The following AHDC1 variants were observed in gnomAD, a reference collection of about 807,000 sequenced individuals.
AHDC1 encodes the protein AT-hook DNA binding motif containing 1.
Under a neutral mutation model 87.9 loss-of-function variants are expected in AHDC1, and 7 were observed. The observed-to-expected ratio is 0.08, with a 90% CI of 0.05 to 0.15. AHDC1 has a LOEUF of 0.15. Among genes scored for constraint, AHDC1 ranks in the 10% least tolerant of loss-of-function variants. The pLI is 1.00. For missense variants in AHDC1, 1,841 were observed against 2,253.2 expected (o/e 0.82, Z 3.70); for synonymous variants, 1,051 against 1,006.8 (o/e 1.04, Z -0.83).
At chr1:27,544,418 C>T (rs1198117155) in intron 8 of AHDC1, among the ~76,000 whole-genome samples, 1 of 152,156 alleles carries the variant, frequency 6.6e-6, no homozygotes, top group Non-Finnish European at 1.5e-5. Flanking sequence ...GGGGTGGAGG[C>T]TGAACTGGAG....
rs1557675507 is a variant in AHDC1 at position 27,558,020 on chromosome 1, A to T, written c.-225+285T>A. Among the ~76,000 whole-genome samples the T allele has an allele frequency of 6.6e-6, 1 of 151,910 alleles. No individual in the cohort carries two copies. Among genetic ancestry groups the T allele is most frequent in the African/African-American group, 2.4e-5 (1 of 41,342 alleles). Reference sequence around the variant, plus strand: ...CACCCTTACAATCCCAGGAGACTCCACCCCCAGACCTCAGGCCCCAGGAAT... The same window carrying T: ...CACCCTTACAATCCCAGGAGACTCCTCCCCCAGACCTCAGGCCCCAGGAAT... On this transcript the variant is annotated intron_variant, in intron 5 of 8. Transcript: ENST00000673934. This position sits in a 1 kb window ranked among gnomAD's most constrained non-coding sequence, Gnocchi z 5.6.
rs1190955225 is a variant in AHDC1 at position 27,534,436 on chromosome 1, C to T, written c.*524G>A. On this transcript the variant is annotated 3_prime_UTR_variant, in exon 9 of 9. Transcript: ENST00000673934. ...CGCAAGAGGTTCTTCTCCCTCCCCCCCACCATGCGAATTTGCACACCACGG... is the reference window on the plus strand; with the variant it reads ...CGCAAGAGGTTCTTCTCCCTCCCCCTCACCATGCGAATTTGCACACCACGG... 3 of 151,878 alleles carry T rather than the reference C, an allele frequency of 2.0e-5. No individual in the cohort carries two copies. The highest frequency in any genetic ancestry group is 7.3e-5 in the African/African-American group (3 of 41,370). The allele number at this position is 151,878 out of a possible 1,614,324, so 9.4% of individuals were successfully genotyped here.
At chr1:27,591,436 C>G (rs970475831) in intron 3 of AHDC1, among the ~76,000 whole-genome samples, 2 of 152,228 alleles carry the variant, frequency 1.3e-5, no homozygotes, top group African/African-American at 2.4e-5. Context: ...CTGCACAATG[C>G]AGAAAGTGGC....
intron 8 of AHDC1, among the ~76,000 whole-genome samples, chr1:27,546,160 T>C (rs2019156793): frequency 6.6e-6 from 1 of 152,152 alleles, no homozygotes; most frequent in Non-Finnish European, 1.5e-5. Flanking sequence ...GACGCAGGCA[T>C]GCCCCCAGTC....
At chr1:27,539,125 CTTTTTTTCTT>C (rs2018787676) in intron 8 of AHDC1, among the ~76,000 whole-genome samples, 1 of 148,466 alleles carries the variant, frequency 6.7e-6, no homozygotes, top group Non-Finnish European at 1.5e-5. Context: ...TCCAGAGAAG[CTTTTTTTCTT>C]TTCTTTTTTT....
rs753427636 is a variant in AHDC1 at position 27,549,263 on chromosome 1, G to A, written c.2853C>T (p.Pro951=). ...TGGTAGGTGAGCGGGCCATGGCTGA[G>A]GGCGGGGGCACCAGCTTGGGGAAGG... ...AETFPKLVPP[P]SAMARSPTTH... The change falls in exon 8 of 9, where the codon CCC becomes CCT. Residue 951 remains proline (P), a synonymous_variant. Coordinates refer to ENST00000673934, the MANE Select transcript of AHDC1 (RefSeq NM_001371928.1). 6.2e-7 allele frequency: 1 copy of A among 1,604,178 alleles called. No homozygotes were observed. The highest frequency in any genetic ancestry group is 1.1e-5 in the South Asian group (1 of 90,212).
chr1:27,603,009 C>T (rs2089578755), intron 3 of AHDC1, among the ~76,000 whole-genome samples: 1 of 140,520 alleles, frequency 7.1e-6, no homozygotes, highest in African/African-American at 2.6e-5. Flanking sequence ...ACATTCTCAG[C>T]AAGCTGGAGA....
intron 3 of AHDC1, among the ~76,000 whole-genome samples, chr1:27,587,654 C>T (rs2089098520): frequency 6.6e-6 from 1 of 152,182 alleles, no homozygotes; most frequent in African/African-American, 2.4e-5. Flanking sequence ...AGAAAAGAGT[C>T]TGGGCCCCAG....
intron 8 of AHDC1, among the ~76,000 whole-genome samples, chr1:27,536,224 C>T (rs942427574): frequency 6.6e-6 from 1 of 152,244 alleles, no homozygotes; most frequent in Non-Finnish European, 1.5e-5. Context: ...GTCTGCTGGG[C>T]AGTCAGCCCC....
intron 8 of AHDC1, among the ~76,000 whole-genome samples, chr1:27,536,764 C>A (rs1174904744): frequency 6.6e-6 from 1 of 152,042 alleles, no homozygotes; most frequent in Non-Finnish European, 1.5e-5. Context: ...TGCTCCAAAC[C>A]ACTGGCAAAC....
In AHDC1 at chr1:27,548,073, G is replaced by A. The variant is rs752485393; in HGVS notation, c.4043C>T (p.Ser1348Phe). ...ATCGGAAGGCGTGGACGGGTTCATG[G>A]AGTAGGGTCCTATGAAGTCACAGGG... ...RDPCDFIGPYSMNPSTPSDGT... is the reference protein window; with the variant it reads ...RDPCDFIGPYFMNPSTPSDGT... The change falls in exon 8 of 9, where the codon TCC (serine) becomes TTC (phenylalanine). Residue 1348 changes from serine to phenylalanine, a missense_variant. Ser to Phe is a radical substitution (Grantham distance 155, BLOSUM62 -2). This residue lies in a region of AHDC1 where 505 missense variants were observed against 626.2 expected (regional missense o/e 0.81). Coordinates refer to ENST00000673934, the MANE Select transcript of AHDC1 (RefSeq NM_001371928.1). 8 of 1,613,848 alleles carry A rather than the reference G, an allele frequency of 5.0e-6. No homozygotes were observed. The South Asian group carries it at 7.7e-5, about 16-fold the overall frequency.
At chr1:27,591,266 G>C (rs1385408490) in intron 3 of AHDC1, among the ~76,000 whole-genome samples, 1 of 152,184 alleles carries the variant, frequency 6.6e-6, no homozygotes, top group African/African-American at 2.4e-5. Context: ...AACTAGGCTG[G>C]TGGGTGGGGC....
At chr1:27,587,812 A>G (rs1420053617) in intron 3 of AHDC1, among the ~76,000 whole-genome samples, 1 of 152,152 alleles carries the variant, frequency 6.6e-6, no homozygotes, top group Non-Finnish European at 1.5e-5. Context: ...CCATCCTTGC[A>G]CGACGAACCT....
rs1287645780 is a variant in AHDC1, at chr1:27,550,083, C to T, written c.2033G>A (p.Arg678Gln). 5 of 1,608,916 alleles carry T rather than the reference C, an allele frequency of 3.1e-6. No individual in the cohort carries two copies. Among genetic ancestry groups the T allele is most frequent in the Non-Finnish European group, 3.4e-6 (4 of 1,178,058 alleles). ...RGGKAGGFGG[R>Q]GGGHAAKSAR... ...TGACTTGGCCGCATGGCCCCCACCCCGGCCACCAAAACCGCCTGCTTTGCC... is the reference window on the plus strand; with the variant it reads ...TGACTTGGCCGCATGGCCCCCACCCTGGCCACCAAAACCGCCTGCTTTGCC... The change falls in exon 8 of 9, where the codon CGG becomes CAG. Residue 678 changes from arginine (R) to glutamine (Q), a missense_variant. This residue lies in a region of AHDC1 where 236 missense variants were observed against 257.9 expected (regional missense o/e 0.92). Coordinates refer to ENST00000673934, the MANE Select transcript of AHDC1 (RefSeq NM_001371928.1).
At chr1:27,541,001 T>TAAAAAAAA (rs55912405) in intron 8 of AHDC1, among the ~76,000 whole-genome samples, 11 of 72,388 alleles carry the variant, frequency 1.5e-4, no homozygotes, top group South Asian at 6.4e-4. Flanking sequence ...CTAAAAATGC[T>TAAAAAAAA]AAAAAAAAAA....
chr1:27,551,492 G>A lies in AHDC1; in HGVS notation c.624C>T (p.Pro208=), dbSNP rs772407294. The change falls in exon 8 of 9, where the codon CCC becomes CCT. Residue 208 remains proline (P), a synonymous_variant. Transcript: ENST00000673934. ...YEPEPEPRDS[P]QPGQGHSPGA... is the part of the protein sequence containing the mutation. ...CGGGACTATGGCCTTGGCCAGGCTG[G>A]GGACTGTCCCTAGGCTCAGGCTCAG... The A allele has an allele frequency of 1.2e-6, 2 of 1,607,290 alleles. No individual in the cohort carries two copies. The highest frequency in any genetic ancestry group is 1.7e-6 in the Non-Finnish European group (2 of 1,177,082).
intron 8 of AHDC1, among the ~76,000 whole-genome samples, chr1:27,545,721 C>A (rs1162829349): frequency 1.3e-5 from 2 of 148,956 alleles, no homozygotes; most frequent in Non-Finnish European, 1.5e-5. Context: ...GGCCTGGCTT[C>A]ATCAGGAAGG....
intron 3 of AHDC1, among the ~76,000 whole-genome samples, chr1:27,587,898 T>C (rs2089108754): frequency 6.6e-6 from 1 of 152,146 alleles, no homozygotes; most frequent in African/African-American, 2.4e-5. Context: ...TTAACCCTAA[T>C]TGAATCTCCT....
chr1:27,584,752 TC>T (rs1388739037), intron 3 of AHDC1, among the ~76,000 whole-genome samples: 6 of 152,084 alleles, frequency 3.9e-5, no homozygotes, highest in African/African-American at 7.2e-5. Context: ...CTCTGCCTTA[TC>T]ACCCCATCAA....
Sources: allele counts gnomAD v4.1 joint callset (sites outside exome capture counted in the v4.1 genomes callset), GRCh38; gene constraint gnomAD v4.1.1; regional missense constraint gnomAD v4.1.1; non-coding constraint Gnocchi (gnomAD v3.1); transcripts MANE v1.5; gene names NCBI Gene and HGNC (gene_info 2026-07-23, HGNC 2026-07-21).